CCT8: variants seen among roughly 807,000 people sequenced by gnomAD.
CCT8 encodes T-complex protein 1 subunit theta.
A neutral mutation model predicts 65.7 loss-of-function variants in CCT8; 10 were observed. That is an observed-to-expected ratio of 0.15 (90% CI 0.09 to 0.26). The LOEUF is 0.26. Ranked by LOEUF, CCT8 falls within the 10% of genes least tolerant of loss-of-function variation. The pLI, the probability that CCT8 is intolerant of heterozygous loss-of-function variation, is 1.00. For synonymous variants in CCT8, 199 were observed against 221.8 expected (o/e 0.90, Z 0.92); for missense variants, 568 against 669.1 (o/e 0.85, Z 1.67).
chr21:29,071,504 T>G (rs1032102225), intron 1 of CCT8, among the ~76,000 whole-genome samples: 1 of 149,052 alleles, frequency 6.7e-6, no homozygotes, highest in Non-Finnish European at 1.5e-5. Flanking sequence ...CAAGCAATTC[T>G]GGAGGCTCAG....
At chr21:29,063,941 A>G (rs1421053074) in intron 7 of CCT8, among the ~76,000 whole-genome samples, 3 of 151,988 alleles carry the variant, frequency 2.0e-5, no homozygotes, top group Non-Finnish European at 4.4e-5. Flanking sequence ...TAATTTTTGC[A>G]TTTTTAGTAG....
Position 29,062,513 on chromosome 21 carries a change from C to G in CCT8, c.985G>C (p.Gly329Arg). The change falls in exon 9 of 15, where the codon GGT becomes CGT. Residue 329 changes from glycine (G) to arginine (R), a missense_variant. Coordinates refer to ENST00000286788, the MANE Select transcript of CCT8 (RefSeq NM_006585.4). The part of the protein sequence containing the change: ...WDLRRLCKTV[G>R]ATALPRLTPP... ...ACCAATCTAGGAAGAGCTGTAGCAC[C>G]AACAGTTTTACAAAGTCTTCGGAGA... The G allele has an allele frequency of 6.2e-7, 1 of 1,613,916 alleles. No homozygotes were observed. Among genetic ancestry groups the G allele is most frequent in the Non-Finnish European group, 8.5e-7 (1 of 1,179,902 alleles).
intron 14 of CCT8, among the ~76,000 whole-genome samples, chr21:29,059,139 GA>G (rs2085535725): frequency 6.6e-6 from 1 of 152,178 alleles, no homozygotes; most frequent in Non-Finnish European, 1.5e-5. Context: ...ACCATACTTT[GA>G]GAACTAGTGA....
At position 29,066,761 on chromosome 21, in the gene CCT8, A is replaced by G. The variant is rs2085627576; in HGVS notation, c.579T>C (p.Asp193=). ...TGTTATCAACATTGAAATGGCCGGA[A>G]TCAGGAAAAATAGATACTGTTAAGA... The part of the protein sequence containing the change: ...IAQACVSIFP[D]SGHFNVDNIR... The change falls in exon 6 of 15, where the codon GAT becomes GAC. Residue 193 remains aspartate (D), a synonymous_variant. Coordinates refer to ENST00000286788, the MANE Select transcript of CCT8 (RefSeq NM_006585.4). 4 of 1,608,106 alleles carry G rather than the reference A, an allele frequency of 2.5e-6. No homozygotes were observed. The highest frequency in any genetic ancestry group is 3.4e-6 in the Non-Finnish European group (4 of 1,177,486).
chr21:29,060,528 T>G lies in CCT8; in HGVS notation c.1569+13A>C. ...ATGAGTATTTTTAAAGATCAAAATT[T>G]CACTTTGCTCACCTGATCCACTCTA... On this transcript the variant is annotated intron_variant, in intron 14 of 14. Coordinates refer to ENST00000286788, the MANE Select transcript of CCT8 (RefSeq NM_006585.4). 2 of 1,612,430 alleles carry G rather than the reference T, an allele frequency of 1.2e-6. No individual in the cohort carries two copies. The highest frequency in any genetic ancestry group is 2.2e-5 in the South Asian group (2 of 90,802).
intron 14 of CCT8, among the ~76,000 whole-genome samples, chr21:29,057,700 A>G (rs1009767629): frequency 6.8e-6 from 1 of 147,624 alleles, no homozygotes; most frequent in Non-Finnish European, 1.5e-5. Context: ...TCATACATAT[A>G]TCATATATAA....
intron 8 of CCT8, chr21:29,062,861 G>A (rs1009465308): frequency 1.5e-5 from 6 of 405,328 alleles, no homozygotes; most frequent in African/African-American, 6.1e-5. Context: ...AAACACCAGA[G>A]AAACCCTTAC....
At chr21:29,057,658 AT>A (rs2085513935) in intron 14 of CCT8, among the ~76,000 whole-genome samples, 1 of 59,494 alleles carries the variant, frequency 1.7e-5, no homozygotes, top group African/African-American at 3.8e-5. Flanking sequence ...TAATATATAT[AT>A]GATATATGTA....
rs1315571463 is a variant in CCT8 at position 29,067,428 on chromosome 21, T to G, written c.381+128A>C. On this transcript the variant is annotated intron_variant, in intron 4 of 14. Transcript: ENST00000286788. The stretch of plus-strand genomic sequence containing the variant: ...AGCATGTGAAGCATATGTACTATAA[T>G]GGCTGGTACAGAGCAAACTGCTCAG... 8.0e-6 allele frequency: 5 copies of G among 624,540 alleles called. No individual in the cohort carries two copies. In the South Asian group the frequency reaches 2.0e-4, roughly 26 times the overall value. The allele number at this position is 624,540 out of a possible 1,614,324, so 38.7% of individuals were successfully genotyped here.
rs200213564 is a variant in CCT8 at position 29,057,763 on chromosome 21, AGATATATAT to A, written c.1570-1220_1570-1212del. 3.6e-3 allele frequency among the ~76,000 whole-genome samples: 351 copies of A among 98,696 alleles called. 1 individual carries two copies. The highest frequency in any genetic ancestry group is 0.011 in the African/African-American group (323 of 30,412). The allele number at this position is 98,696 out of a possible 152,430, so 64.7% of individuals were successfully genotyped here. On this transcript the variant is annotated intron_variant, in intron 14 of 14. Transcript: ENST00000286788. ...ATATATCATGTATATGTATGATATGAGATATATATGATATATATGAGATATGTATGATAT... is the reference window on the plus strand; with the variant it reads ...ATATATCATGTATATGTATGATATGAGATATATATGAGATATGTATGATAT...
At chr21:29,065,844 A>C (rs1440804661) in intron 6 of CCT8, among the ~76,000 whole-genome samples, 1 of 152,174 alleles carries the variant, frequency 6.6e-6, no homozygotes, top group East Asian at 1.9e-4. Flanking sequence ...GCACTTTGGG[A>C]GGCCAAGGTG....
intron 6 of CCT8, 21 bp from the exon 7 acceptor site, chr21:29,065,126 C>T: frequency 6.2e-7 from 1 of 1,610,904 alleles, no homozygotes; most frequent in South Asian, 1.1e-5. Flanking sequence ...GAATACCAAA[C>T]TCATCAGCAA....
intron 8 of CCT8, 186 bp from the exon 9 acceptor site, chr21:29,062,742 G>A: frequency 3.3e-6 from 2 of 607,086 alleles, no homozygotes; most frequent in Non-Finnish European, 5.8e-6. Context: ...GACTCTCTGA[G>A]TGAGTCCAGC....
intron 3 of CCT8, among the ~76,000 whole-genome samples, chr21:29,068,937 T>C (rs1414715570): frequency 6.6e-6 from 1 of 152,220 alleles, no homozygotes; most frequent in Non-Finnish European, 1.5e-5. Flanking sequence ...TCTCTGCCTG[T>C]TCAGGTGCCA....
chr21:29,067,506 G>A (rs769946472), intron 4 of CCT8, 50 bp downstream of exon 4: 2 of 1,392,236 alleles, frequency 1.4e-6, no homozygotes, highest in East Asian at 5.4e-5. Flanking sequence ...TTAAGCAGGT[G>A]TATATGTAAG....
intron 7 of CCT8, among the ~76,000 whole-genome samples, chr21:29,064,238 G>C (rs1466522859): frequency 6.6e-6 from 1 of 151,344 alleles, no homozygotes; most frequent in African/African-American, 2.4e-5. Context: ...GGCCAAGGCG[G>C]GTGGATCACT....
At position 29,057,918 on chromosome 21, in the gene CCT8, G is replaced by A. The variant is rs2085522272; in HGVS notation, c.1570-1366C>T. 2.0e-5 allele frequency among the ~76,000 whole-genome samples: 3 copies of A among 151,618 alleles called. No homozygotes were observed. In the South Asian group the frequency reaches 6.2e-4, roughly 32 times the overall value. ...CAGTCCCAGCTATTCGGGATGTTAA[G>A]GCAGAAGAATCACTGGAACTCAGGA... On this transcript the variant is annotated intron_variant, in intron 14 of 14. Transcript: ENST00000286788.
At chr21:29,072,517 C>A (rs2085693172) in intron 1 of CCT8, among the ~76,000 whole-genome samples, 1 of 152,122 alleles carries the variant, frequency 6.6e-6, no homozygotes. Flanking sequence ...GGAATCAGCC[C>A]ATATCATTTT....
intron 7 of CCT8, among the ~76,000 whole-genome samples, chr21:29,064,236 CGG>C (rs2085595159): frequency 6.6e-6 from 1 of 150,870 alleles, no homozygotes; most frequent in South Asian, 2.1e-4. Flanking sequence ...GAGGCCAAGG[CGG>C]GTGGATCACT....
Sources: allele counts gnomAD v4.1 joint callset (sites outside exome capture counted in the v4.1 genomes callset), GRCh38; gene constraint gnomAD v4.1.1; transcripts MANE v1.5; gene names NCBI Gene and HGNC (gene_info 2026-07-23, HGNC 2026-07-21).